Variants in DSCAM observed in about 807,000 individuals in gnomAD.
DSCAM encodes the protein DS cell adhesion molecule.
In DSCAM, 47 loss-of-function variants were observed where a neutral mutation model predicts 217.7. That is an observed-to-expected ratio of 0.22 (90% CI 0.17 to 0.28). DSCAM has a LOEUF of 0.28. Ranked by LOEUF, DSCAM falls within the 10% of genes least tolerant of loss-of-function variation. DSCAM has a pLI of 1.00. For missense variants in DSCAM, 2,080 were observed against 2,618.3 expected, an observed-to-expected ratio of 0.79 and a Z score of 4.49; for synonymous variants, 1,056 against 1,015.3, an observed-to-expected ratio of 1.04 and a Z score of -0.76.
At chr21:40,369,385 CGTGTGT>C (rs35564463) in intron 3 of DSCAM, 140 bp from the exon 4 acceptor site, 4,992 of 384,812 alleles carry the variant, frequency 0.013, 104 homozygotes, top group African/African-American at 0.074. Context: ...CGTGCGTCTG[CGTGTGT>C]GTGTGTGTGT....
At chr21:40,524,665 C>A (rs1347791050) in intron 3 of DSCAM, among the ~76,000 whole-genome samples, 1 of 152,008 alleles carries the variant, frequency 6.6e-6, no homozygotes, top group Non-Finnish European at 1.5e-5. Flanking sequence ...TCAGGGAAAA[C>A]TTTTTTTAAA....
intron 3 of DSCAM, among the ~76,000 whole-genome samples, chr21:40,591,389 G>GTT (rs1243010025): frequency 6.6e-6 from 1 of 152,162 alleles, no homozygotes; most frequent in African/African-American, 2.4e-5. Flanking sequence ...ATAAAGTACT[G>GTT]AGTATCCACC....
chr21:40,184,318 T>G (rs1045884975), intron 14 of DSCAM, among the ~76,000 whole-genome samples: 1 of 152,166 alleles, frequency 6.6e-6, no homozygotes, highest in Non-Finnish European at 1.5e-5. Context: ...TGAGTACAGG[T>G]GCTATCTACT....
chr21:40,546,041 A>C (rs1353904912), intron 3 of DSCAM, among the ~76,000 whole-genome samples: 1 of 152,194 alleles, frequency 6.6e-6, no homozygotes, highest in African/African-American at 2.4e-5. Context: ...AAATGATGTG[A>C]TCTGGTACCA....
At chr21:40,554,351 T>C (rs1202682621) in intron 3 of DSCAM, among the ~76,000 whole-genome samples, 2 of 152,106 alleles carry the variant, frequency 1.3e-5, no homozygotes, top group African/African-American at 2.4e-5. Flanking sequence ...CTTACAAAAA[T>C]GGAAAGATAG....
intron 10 of DSCAM, among the ~76,000 whole-genome samples, chr21:40,292,473 A>G (rs1295130405): frequency 2.6e-5 from 4 of 151,506 alleles, no homozygotes; most frequent in African/African-American, 9.7e-5. Context: ...ACAATATACC[A>G]TATTTCTCTA....
At chr21:40,307,480 T>C (rs182527662) in intron 9 of DSCAM, among the ~76,000 whole-genome samples, 109 of 152,292 alleles carry the variant, frequency 7.2e-4, no homozygotes, top group African/African-American at 2.6e-3. Context: ...TTTACACTGT[T>C]GGTGGGACTG....
intron 11 of DSCAM, among the ~76,000 whole-genome samples, chr21:40,241,497 C>T (rs1316310120): frequency 1.3e-5 from 2 of 152,150 alleles, no homozygotes; most frequent in Middle Eastern, 3.4e-3. Flanking sequence ...ATAACAGGTG[C>T]CGGTAAGGTT....
intron 3 of DSCAM, among the ~76,000 whole-genome samples, chr21:40,466,608 T>TC (rs2075847562): frequency 6.6e-6 from 1 of 152,178 alleles, no homozygotes; most frequent in South Asian, 2.1e-4. Context: ...GTTTTGTTTT[T>TC]TCAGCTTCCG....
chr21:40,261,078 C>G (rs2073443565), intron 11 of DSCAM, among the ~76,000 whole-genome samples: 1 of 152,172 alleles, frequency 6.6e-6, no homozygotes, highest in Non-Finnish European at 1.5e-5. Context: ...TCAAAGAAAC[C>G]ACAACAATGA....
rs1165889821 is a variant in DSCAM, at chr21:40,380,659, G to A, written c.509-11414C>T. 2.0e-5 allele frequency among the ~76,000 whole-genome samples: 3 copies of A among 152,186 alleles called. No individual in the cohort carries two copies. In the East Asian group the frequency reaches 5.8e-4, roughly 29 times the overall value. ...AGAGCCACAGAAGGTAGGAAGATAA[G>A]AAGGGATTATTCATGGATAAGTAGA... On this transcript the variant is annotated intron_variant, in intron 3 of 32. Transcript: ENST00000400454.
chr21:40,560,904 G>A (rs551304232), intron 3 of DSCAM, among the ~76,000 whole-genome samples: 57 of 152,198 alleles, frequency 3.7e-4, no homozygotes, highest in African/African-American at 1.3e-3. Context: ...TTCACACCAC[G>A]GTAAAGCCAA....
chr21:40,135,328 G>A (rs946373975), intron 18 of DSCAM, among the ~76,000 whole-genome samples: 6 of 152,256 alleles, frequency 3.9e-5, no homozygotes, highest in Non-Finnish European at 5.9e-5. Flanking sequence ...GAGTGGATGT[G>A]ATATGCATGC....
chr21:40,457,902 G>A lies in DSCAM; in HGVS notation c.509-88657C>T, dbSNP rs115594472. Among the ~76,000 whole-genome samples the A allele has an allele frequency of 6.8e-3, 1,031 of 152,244 alleles. 16 individuals carry two copies. Among genetic ancestry groups the A allele is most frequent in the African/African-American group, 0.023 (961 of 41,538 alleles). Reference sequence around the variant, plus strand: ...CTGAGTAGCAGACACAGTTAAAACAGGGTAGAAAGCATTCCTGTGACAAAG... The same window carrying A: ...CTGAGTAGCAGACACAGTTAAAACAAGGTAGAAAGCATTCCTGTGACAAAG... On this transcript the variant is annotated intron_variant, in intron 3 of 32. Transcript: ENST00000400454.
chr21:40,522,415 G>A (rs1004247780), intron 3 of DSCAM, among the ~76,000 whole-genome samples: 4 of 152,146 alleles, frequency 2.6e-5, no homozygotes, highest in African/African-American at 7.2e-5. Flanking sequence ...TGATCATCAG[G>A]CATAAATCCT....
chr21:40,560,215 G>C (rs1469685427), intron 3 of DSCAM, among the ~76,000 whole-genome samples: 4 of 152,180 alleles, frequency 2.6e-5, no homozygotes, highest in Non-Finnish European at 4.4e-5. Context: ...CATGCATGTT[G>C]TCTCAATACA....
chr21:40,144,778 C>T lies in DSCAM; in HGVS notation c.3019-47G>A, dbSNP rs1421571386. 6.2e-7 allele frequency: 1 copy of T among 1,608,394 alleles called. No homozygotes were observed. Among genetic ancestry groups the T allele is most frequent in the Admixed American group, 1.7e-5 (1 of 59,820 alleles). On this transcript the variant is annotated intron_variant, in intron 16 of 32. Transcript: ENST00000400454. The surrounding 1 kb of genome is among the most constrained non-coding windows in gnomAD (Gnocchi z 4.8). ...ACACTAAAGAAGTCTTGAGGTAGGA[C>T]AAGAGCGAAATCAACGCCCACACCC...
At chr21:40,082,096 G>T (rs879311590) in intron 24 of DSCAM, among the ~76,000 whole-genome samples, 4 of 152,090 alleles carry the variant, frequency 2.6e-5, no homozygotes, top group Non-Finnish European at 5.9e-5. Flanking sequence ...TCACTCTTCA[G>T]ACTTCTGGCA....
intron 8 of DSCAM, among the ~76,000 whole-genome samples, chr21:40,333,743 T>C (rs1246755497): frequency 6.6e-6 from 1 of 152,198 alleles, no homozygotes; most frequent in African/African-American, 2.4e-5. Context: ...AAACTGTTAC[T>C]GTGTTTTGGA....
Sources: gnomAD v4.1 joint callset for allele counts (sites outside exome capture counted in the v4.1 genomes callset) on GRCh38, gnomAD v4.1.1 for gene constraint, Gnocchi (gnomAD v3.1) non-coding constraint, MANE v1.5 for transcripts, NCBI Gene and HGNC (gene_info 2026-07-23, HGNC 2026-07-21) for gene names.